The following WNK2 variants were observed in gnomAD, a reference collection of about 807,000 sequenced individuals.
WNK2 encodes the protein WNK lysine deficient protein kinase 2.
A neutral mutation model predicts 192.1 loss-of-function variants in WNK2; 67 were observed. That is an observed-to-expected ratio of 0.35 (90% confidence interval 0.29 to 0.43). WNK2 has a LOEUF of 0.43. Ranked by LOEUF, WNK2 falls within the 20% of genes least tolerant of loss-of-function variation. The pLI is 1.00. For synonymous variants in WNK2, 1,439 were observed against 1,393.9 expected, an observed-to-expected ratio of 1.03 and a Z score of -0.72; for missense variants, 2,698 against 3,089.7, an observed-to-expected ratio of 0.87 and a Z score of 3.01.
intron 19 of WNK2, among the ~76,000 whole-genome samples, chr9:93,270,519 G>A (rs10992693): frequency 6.6e-6 from 1 of 152,232 alleles, no homozygotes; most frequent in African/African-American, 2.4e-5. Flanking sequence ...ATGCACCCCA[G>A]AATTCAAAGT....
intron 19 of WNK2, among the ~76,000 whole-genome samples, chr9:93,286,363 G>C (rs1023087781): frequency 8.5e-5 from 13 of 152,144 alleles, no homozygotes; most frequent in African/African-American, 2.9e-4. Flanking sequence ...ACTTGAACAG[G>C]TGTGTCCTAA....
At chr9:93,206,713 C>G (rs1356648645) in intron 2 of WNK2, among the ~76,000 whole-genome samples, 1 of 152,156 alleles carries the variant, frequency 6.6e-6, no homozygotes, top group African/African-American at 2.4e-5. Context: ...ATCAGGGCCC[C>G]GAGTTTGGGG....
At position 93,208,897 on chromosome 9, in the gene WNK2, G is replaced by A. The variant is rs566832105; in HGVS notation, c.682-20799G>A. ...TGTGAGTATGCATGTTCTACAAGTT[G>A]TGTGTGTTCTTTGTGCATTCACATT... On this transcript the variant is annotated intron_variant, in intron 2 of 29. Coordinates refer to ENST00000427277, the MANE Select transcript of WNK2 (RefSeq NM_006648.4). Among the ~76,000 whole-genome samples the A allele has an allele frequency of 4.6e-5, 7 of 152,246 alleles. No homozygotes were observed. In the South Asian group the frequency reaches 1.5e-3, roughly 32 times the overall value.
chr9:93,241,534 T>G (rs1447972732), intron 7 of WNK2, among the ~76,000 whole-genome samples: 1 of 152,190 alleles, frequency 6.6e-6, no homozygotes, highest in Non-Finnish European at 1.5e-5. Context: ...CAAGCTTCAC[T>G]TCTCCAGGCC....
At position 93,239,075 on chromosome 9, in the gene WNK2, A is replaced by G. The variant is rs894754504; in HGVS notation, c.1323-682A>G. ...CCATTTATAGGGTAAAGGGGGTTAT[A>G]GGTTAGTGGTTAGGGAGGCTTCTTT... On this transcript the variant is annotated intron_variant, in intron 6 of 29. Coordinates refer to ENST00000427277, the MANE Select transcript of WNK2 (RefSeq NM_006648.4). This position sits in a 1 kb window ranked among gnomAD's most constrained non-coding sequence, Gnocchi z 4.2. 1.3e-5 allele frequency among the ~76,000 whole-genome samples: 2 copies of G among 152,222 alleles called. No individual in the cohort carries two copies. Among genetic ancestry groups the G allele is most frequent in the African/African-American group, 4.8e-5 (2 of 41,450 alleles).
intron 4 of WNK2, among the ~76,000 whole-genome samples, chr9:93,233,374 G>A (rs1340102518): frequency 1.3e-5 from 2 of 151,954 alleles, no homozygotes; most frequent in Admixed American, 1.3e-4. Flanking sequence ...CCATATTCTT[G>A]TCCCAATTTT....
intron 7 of WNK2, 108 bp downstream of exon 7, chr9:93,240,084 A>ACCGCC: frequency 8.5e-7 from 1 of 1,171,952 alleles, no homozygotes; most frequent in Non-Finnish European, 1.2e-6. Context: ...AGGGGACTGC[A>ACCGCC]AGGCCAGTGG....
Position 93,234,790 on chromosome 9 carries a change from T to C in WNK2, c.1076-18T>C. ...CCCGTGGCCAGCTGACAGCTGCGTC[T>C]GTTGCTTCCGGGCACAGGTACTCCC... is the stretch of plus-strand genomic sequence containing the variant. On this transcript the variant is annotated intron_variant, in intron 4 of 29. Transcript: ENST00000427277. The C allele has an allele frequency of 6.2e-7, 1 of 1,607,798 alleles. No individual in the cohort carries two copies.
chr9:93,278,755 C>A (rs1372826873), intron 19 of WNK2, among the ~76,000 whole-genome samples: 2 of 152,162 alleles, frequency 1.3e-5, no homozygotes, highest in African/African-American at 4.8e-5. Context: ...CAAACCATAA[C>A]TGATACAGAC....
chr9:93,300,805 A>C (rs952843550), intron 26 of WNK2, among the ~76,000 whole-genome samples: 1 of 151,970 alleles, frequency 6.6e-6, no homozygotes, highest in Admixed American at 6.5e-5. Flanking sequence ...GCCCCTCCCC[A>C]CTGGAAGGGC....
At chr9:93,187,966 C>T (rs1829648574) in intron 2 of WNK2, among the ~76,000 whole-genome samples, 1 of 152,114 alleles carries the variant, frequency 6.6e-6, no homozygotes. Context: ...GGTGCTCCTT[C>T]TCTAGGTGTG....
chr9:93,275,904 C>G (rs951596784), intron 19 of WNK2, among the ~76,000 whole-genome samples: 5 of 152,176 alleles, frequency 3.3e-5, no homozygotes, highest in Non-Finnish European at 2.9e-5. Flanking sequence ...ATAAAACATG[C>G]AGAATCTGTA....
intron 2 of WNK2, among the ~76,000 whole-genome samples, chr9:93,198,997 G>T (rs1249498846): frequency 2.6e-5 from 4 of 152,336 alleles, no homozygotes; most frequent in East Asian, 3.9e-4. Flanking sequence ...TTCGGGGTGG[G>T]TGGAGGCCTG....
rs553788186 is a variant in WNK2 at position 93,229,158 on chromosome 9, G to T, written c.682-538G>T. On this transcript the variant is annotated intron_variant, in intron 2 of 29. Transcript: ENST00000427277. The surrounding 1 kb of genome is among the most constrained non-coding windows in gnomAD (Gnocchi z 4.9). ...GGGGAGGTGTCTGCTGTGTCCTCCT[G>T]CACAGGAGGGCCTGGGCTGCCCTCT... Among the ~76,000 whole-genome samples the T allele has an allele frequency of 1.3e-5, 2 of 152,268 alleles. No homozygotes were observed. The highest frequency in any genetic ancestry group is 4.1e-4 in the South Asian group (2 of 4,828).
intron 9 of WNK2, 144 bp from the exon 10 acceptor site, chr9:93,256,155 A>G: frequency 1.9e-6 from 2 of 1,041,308 alleles, no homozygotes; most frequent in South Asian, 4.5e-5. Context: ...GGGCTCCCTC[A>G]CTGCTTCTGC....
chr9:93,269,807 G>A (rs1845768131), intron 19 of WNK2, among the ~76,000 whole-genome samples: 1 of 152,122 alleles, frequency 6.6e-6, no homozygotes. Flanking sequence ...AGTGACCTCA[G>A]GAAACCTTTT....
Position 93,308,347 on chromosome 9 carries a change from G to A in WNK2, c.6279G>A (p.Leu2093=), listed in dbSNP as rs1179618672. 6.4e-7 allele frequency: 1 copy of A among 1,555,236 alleles called. No homozygotes were observed. Among genetic ancestry groups the A allele is most frequent in the South Asian group, 1.2e-5 (1 of 84,264 alleles). The change falls in exon 28 of 30, where the codon CTG becomes CTA. Residue 2093 remains leucine, a synonymous_variant. Transcript: ENST00000427277. ...EHSSRSSTSS[L]APGPEPGPQP... is the part of the protein sequence containing the mutation. ...CCCCAGGGTCCTCCACCAGCAGCCTGGCCCCAGGCCCTGAGCCAGGCCCCC... is the reference window on the plus strand; with the variant it reads ...CCCCAGGGTCCTCCACCAGCAGCCTAGCCCCAGGCCCTGAGCCAGGCCCCC...
At chr9:93,315,644 T>C (rs1436202028) in intron 28 of WNK2, 1 of 152,234 alleles carries the variant, frequency 6.6e-6, no homozygotes, top group Non-Finnish European at 1.5e-5. Flanking sequence ...GTCTTCTCCT[T>C]CTTAGTGCCT....
intron 19 of WNK2, among the ~76,000 whole-genome samples, chr9:93,286,553 C>A (rs1375116209): frequency 3.9e-5 from 6 of 152,206 alleles, no homozygotes; most frequent in Non-Finnish European, 2.9e-5. Context: ...GACCTTTGTG[C>A]AGTGTGGTGT....
Sources: allele counts gnomAD v4.1 joint callset (sites outside exome capture counted in the v4.1 genomes callset), GRCh38; gene constraint gnomAD v4.1.1; non-coding constraint Gnocchi (gnomAD v3.1); transcripts MANE v1.5; gene names NCBI Gene and HGNC (gene_info 2026-07-23, HGNC 2026-07-21).